SMYD3: variants seen among roughly 807,000 people sequenced by gnomAD.
SMYD3 encodes the protein SET and MYND domain containing 3, also known as histone-lysine N-methyltransferase SMYD3.
A neutral mutation model predicts 57.7 loss-of-function variants in SMYD3; 36 were observed. The observed-to-expected ratio is 0.62, with a 90% confidence interval of 0.48 to 0.82. SMYD3 has a LOEUF of 0.82. SMYD3 is among the 40% of genes least tolerant of loss of function. The pLI is 0.00. For synonymous variants in SMYD3, 211 were observed against 195.0 expected, an observed-to-expected ratio of 1.08 and a Z score of -0.68; for missense variants, 515 against 538.8, an observed-to-expected ratio of 0.96 and a Z score of 0.44.
At chr1:246,460,309 C>G (rs1371881300) in intron 1 of SMYD3, among the ~76,000 whole-genome samples, 1 of 152,192 alleles carries the variant, frequency 6.6e-6, no homozygotes, top group Non-Finnish European at 1.5e-5. Flanking sequence ...TGCTCTAGCA[C>G]TTAGTAACAG....
At chr1:246,278,194 G>T (rs1366375640) in intron 5 of SMYD3, among the ~76,000 whole-genome samples, 2 of 151,210 alleles carry the variant, frequency 1.3e-5, no homozygotes. Flanking sequence ...AATCTCCTGG[G>T]TTACTCTCAT....
chr1:245,828,706 C>A lies in SMYD3; in HGVS notation c.1076+29790G>T, dbSNP rs1350136233. Among the ~76,000 whole-genome samples, 9 of 91,906 alleles carry A rather than the reference C, an allele frequency of 9.8e-5. No homozygotes were observed. The Admixed American group carries it at 1.2e-3, about 12-fold the overall frequency. 60.3% of individuals were successfully genotyped at this position (91,906 alleles called of 152,430 possible). A position where few individuals can be genotyped will look rare whatever the true frequency, so the allele number is the denominator to read the frequency against. The stretch of plus-strand genomic sequence containing the variant: ...TATTAGGACATGGATGTCAGTTTTT[C>A]TGATTTTTTTTTTTTTGAGACAGGG... On this transcript the variant is annotated intron_variant, in intron 10 of 11. Coordinates refer to ENST00000490107, the MANE Select transcript of SMYD3 (RefSeq NM_001167740.2).
At chr1:246,229,927 A>C (rs936411736) in intron 5 of SMYD3, among the ~76,000 whole-genome samples, 5 of 152,226 alleles carry the variant, frequency 3.3e-5, no homozygotes, top group Non-Finnish European at 7.3e-5. Flanking sequence ...TTCCTAAAAC[A>C]TTAAACCTAA....
intron 10 of SMYD3, among the ~76,000 whole-genome samples, chr1:245,805,748 T>C (rs1247229091): frequency 6.6e-6 from 1 of 150,544 alleles, no homozygotes; most frequent in Non-Finnish European, 1.5e-5. Context: ...TTGTGTACTG[T>C]CCCCATTCAG....
At chr1:245,933,903 A>G (rs531719054) in intron 5 of SMYD3, among the ~76,000 whole-genome samples, 254 of 152,352 alleles carry the variant, frequency 1.7e-3, no homozygotes, top group Non-Finnish European at 3.2e-3. Context: ...ATCAGAGCTG[A>G]GTAATTCTAC....
chr1:246,292,577 T>C (rs1249239565), intron 5 of SMYD3, among the ~76,000 whole-genome samples: 1 of 152,212 alleles, frequency 6.6e-6, no homozygotes, highest in African/African-American at 2.4e-5. Flanking sequence ...TGGATAAATA[T>C]ATTGCTAATA....
At chr1:245,869,105 AT>A (rs1405001835) in intron 8 of SMYD3, among the ~76,000 whole-genome samples, 1 of 152,174 alleles carries the variant, frequency 6.6e-6, no homozygotes, top group Non-Finnish European at 1.5e-5. Context: ...GAAAAAAAAA[AT>A]CTCTTTGAAT....
chr1:245,810,725 A>T (rs1031910410), intron 10 of SMYD3, among the ~76,000 whole-genome samples: 1 of 152,190 alleles, frequency 6.6e-6, no homozygotes, highest in African/African-American at 2.4e-5. Context: ...CAGCATCAGA[A>T]TTCTGTAATT....
At chr1:246,123,887 G>C (rs2061465088) in intron 5 of SMYD3, among the ~76,000 whole-genome samples, 1 of 152,078 alleles carries the variant, frequency 6.6e-6, no homozygotes, top group Non-Finnish European at 1.5e-5. Flanking sequence ...CCAAAGATGG[G>C]ACTAGTCCTG....
At chr1:245,995,850 G>C (rs184425102) in intron 5 of SMYD3, among the ~76,000 whole-genome samples, 1 of 152,160 alleles carries the variant, frequency 6.6e-6, no homozygotes, top group East Asian at 1.9e-4. Context: ...CATGCACAGG[G>C]GGCAGGCCAA....
intron 5 of SMYD3, among the ~76,000 whole-genome samples, chr1:245,986,354 T>A (rs930468485): frequency 1.3e-5 from 2 of 152,194 alleles, no homozygotes; most frequent in African/African-American, 4.8e-5. Context: ...ACTTGAGAGT[T>A]TTACATTTTC....
chr1:245,789,883 T>C (rs1208309589), intron 10 of SMYD3, among the ~76,000 whole-genome samples: 1 of 152,224 alleles, frequency 6.6e-6, no homozygotes, highest in Non-Finnish European at 1.5e-5. Context: ...TTTGGAAAAG[T>C]GAAACTAGAA....
At chr1:245,798,150 C>T (rs1279121617) in intron 10 of SMYD3, among the ~76,000 whole-genome samples, 1 of 151,798 alleles carries the variant, frequency 6.6e-6, no homozygotes. Flanking sequence ...TCCAGGAAAG[C>T]ACAGAGGATT....
Position 245,977,022 on chromosome 1 carries a change from TCTA to T in SMYD3, c.532-47088_532-47086del, listed in dbSNP as rs1390012062. Among the ~76,000 whole-genome samples the T allele has an allele frequency of 6.6e-5, 8 of 120,616 alleles. 1 individual carries two copies. Among genetic ancestry groups the T allele is most frequent in the African/African-American group, 2.5e-4 (7 of 28,138 alleles). 79.1% of individuals were successfully genotyped at this position (120,616 alleles called of 152,430 possible). On this transcript the variant is annotated intron_variant, in intron 5 of 11. Transcript: ENST00000490107. ...CTCTAGCCCAGGGAAAGCCATCGTC[TCTA>T]GCCCAGGGAAAGCCATCGTCTCCGG...
intron 5 of SMYD3, among the ~76,000 whole-genome samples, chr1:246,074,595 C>G (rs1261735893): frequency 6.6e-6 from 1 of 152,142 alleles, no homozygotes; most frequent in Non-Finnish European, 1.5e-5. Context: ...AGATGAGTTT[C>G]TTGTTTATAA....
chr1:246,430,974 G>C (rs1210267639), intron 1 of SMYD3, among the ~76,000 whole-genome samples: 1 of 152,178 alleles, frequency 6.6e-6, no homozygotes, highest in Non-Finnish European at 1.5e-5. Context: ...CAGCAAGATA[G>C]AATAAGAACT....
chr1:246,266,495 G>C (rs1360918470), intron 5 of SMYD3, among the ~76,000 whole-genome samples: 1 of 152,068 alleles, frequency 6.6e-6, no homozygotes, highest in Non-Finnish European at 1.5e-5. Flanking sequence ...AACGGTACCT[G>C]GTACAGAGTA....
At position 245,806,883 on chromosome 1, in the gene SMYD3, A is replaced by G. The variant is rs531978748; in HGVS notation, c.1077-42734T>C. On this transcript the variant is annotated intron_variant, in intron 10 of 11. Coordinates refer to ENST00000490107, the MANE Select transcript of SMYD3 (RefSeq NM_001167740.2). ...CGAGATCGCGCCACTGCAGTCCGCA[A>G]TCCGGCCTGGGCGACAGAGCGAGAC... Among the ~76,000 whole-genome samples the G allele has an allele frequency of 3.8e-4, 52 of 135,388 alleles. 1 individual carries two copies. Among genetic ancestry groups the G allele is most frequent in the Middle Eastern group, 4.0e-3 (1 of 250 alleles). The allele number at this position is 135,388 out of a possible 152,430, so 88.8% of individuals were successfully genotyped here. A position where few individuals can be genotyped will look rare whatever the true frequency, so the allele number is the denominator to read the frequency against.
intron 5 of SMYD3, among the ~76,000 whole-genome samples, chr1:246,089,333 A>G (rs1049038561): frequency 6.6e-6 from 1 of 152,186 alleles, no homozygotes; most frequent in Non-Finnish European, 1.5e-5. Flanking sequence ...TCCCTGGAAC[A>G]TTCTTTCTCC....
Sources: gnomAD v4.1 joint callset for allele counts (sites outside exome capture counted in the v4.1 genomes callset) on GRCh38, gnomAD v4.1.1 for gene constraint, MANE v1.5 for transcripts, NCBI Gene and HGNC (gene_info 2026-07-23, HGNC 2026-07-21) for gene names.